Variants in CPAMD8 observed in about 807,000 individuals in gnomAD.
CPAMD8 encodes the protein C3 and PZP-like alpha-2-macroglobulin domain-containing protein 8.
Under a neutral mutation model 224.7 loss-of-function variants are expected in CPAMD8, and 146 were observed. The ratio of observed to expected loss-of-function variants is 0.65; its 90% confidence interval spans 0.57 to 0.75. CPAMD8 has a LOEUF of 0.75. CPAMD8 is among the 30% of genes least tolerant of loss of function. CPAMD8 has a pLI of 0.00. For synonymous variants in CPAMD8, 966 were observed against 1,044.6 expected, an observed-to-expected ratio of 0.92 and a Z score of 1.45; for missense variants, 2,301 against 2,537.5, an observed-to-expected ratio of 0.91 and a Z score of 2.00.
intron 20 of CPAMD8, 44 bp downstream of exon 20, chr19:16,951,924 TC>T (rs2054308720): frequency 8.1e-7 from 1 of 1,235,750 alleles, no homozygotes; most frequent in African/African-American, 1.5e-5. Flanking sequence ...CAGTCCCAAC[TC>T]CCCACTGAAT....
At chr19:16,965,386 T>C (rs1434379922) in intron 18 of CPAMD8, among the ~76,000 whole-genome samples, 3 of 152,120 alleles carry the variant, frequency 2.0e-5, no homozygotes, top group Admixed American at 6.5e-5. Context: ...GCCAATATCA[T>C]ACTGAATGGA....
At chr19:16,987,527 T>A (rs1268509857) in intron 13 of CPAMD8, among the ~76,000 whole-genome samples, 1 of 152,142 alleles carries the variant, frequency 6.6e-6, no homozygotes, top group South Asian at 2.1e-4. Flanking sequence ...GAAAATCTTA[T>A]GATTTTCTTA....
rs146743364 is a variant in CPAMD8, at chr19:16,971,350, G to A, written c.2071-317C>T. Among the ~76,000 whole-genome samples, 500 of 152,172 alleles carry A rather than the reference G, an allele frequency of 3.3e-3. 1 individual carries two copies. The highest frequency in any genetic ancestry group is 5.2e-3 in the Non-Finnish European group (354 of 67,994). ...CTAGTAGCTGGGACTACAGGTGCCC[G>A]TCACCATGGGGCATCATTCTTTTAC... On this transcript the variant is annotated intron_variant, in intron 17 of 41. Coordinates refer to ENST00000443236, the MANE Select transcript of CPAMD8 (RefSeq NM_015692.5).
intron 18 of CPAMD8, among the ~76,000 whole-genome samples, chr19:16,969,500 C>T (rs1321339885): frequency 6.6e-5 from 10 of 152,086 alleles, no homozygotes; most frequent in African/African-American, 1.2e-4. Flanking sequence ...TCTTAACCTC[C>T]GAGGTGATGG....
chr19:16,975,865 A>G, intron 16 of CPAMD8, 137 bp downstream of exon 16: 1 of 929,292 alleles, frequency 1.1e-6, no homozygotes, highest in Non-Finnish European at 1.5e-6. Flanking sequence ...GTTCCCTGAA[A>G]AATGAACCCG....
At chr19:16,967,690 T>A (rs1263362843) in intron 18 of CPAMD8, among the ~76,000 whole-genome samples, 2 of 151,348 alleles carry the variant, frequency 1.3e-5, no homozygotes, top group Non-Finnish European at 2.9e-5. Flanking sequence ...GTGCCTGTAG[T>A]CCCAGGTACT....
chr19:17,017,682 C>A (rs1568608484), intron 3 of CPAMD8, among the ~76,000 whole-genome samples: 2 of 152,166 alleles, frequency 1.3e-5, no homozygotes, highest in African/African-American at 4.8e-5. Flanking sequence ...CCCTGTAGGG[C>A]AAAAGCCCCC....
chr19:16,969,737 G>A (rs2054981103), intron 18 of CPAMD8, among the ~76,000 whole-genome samples: 1 of 151,698 alleles, frequency 6.6e-6, no homozygotes, highest in African/African-American at 2.4e-5. Flanking sequence ...AAAATTAGCT[G>A]GGCATGGTGG....
chr19:16,913,638 A>T (rs112121431), intron 29 of CPAMD8, among the ~76,000 whole-genome samples: 4 of 152,134 alleles, frequency 2.6e-5, no homozygotes, highest in Non-Finnish European at 5.9e-5. Flanking sequence ...AAGACAGGGC[A>T]TTAGGAATTC....
At chr19:16,922,780 T>C (rs1044593511) in intron 26 of CPAMD8, among the ~76,000 whole-genome samples, 41 of 148,848 alleles carry the variant, frequency 2.8e-4, no homozygotes, top group African/African-American at 1.0e-3. Context: ...AACTACCCTA[T>C]ACCACATTGG....
At chr19:16,937,175 A>G (rs190025789) in intron 23 of CPAMD8, among the ~76,000 whole-genome samples, 1 of 150,196 alleles carries the variant, frequency 6.7e-6, no homozygotes, top group Non-Finnish European at 1.5e-5. Context: ...CTCTCTGTCA[A>G]CCAGGCTGGA....
At chr19:16,964,770 C>A (rs1198096421) in intron 18 of CPAMD8, among the ~76,000 whole-genome samples, 2 of 152,158 alleles carry the variant, frequency 1.3e-5, no homozygotes, top group East Asian at 3.8e-4. Flanking sequence ...CCTTGATGAA[C>A]ATCGATGCAA....
intron 27 of CPAMD8, among the ~76,000 whole-genome samples, chr19:16,915,869 TTC>T (rs1206303976): frequency 6.6e-6 from 1 of 151,882 alleles, no homozygotes; most frequent in Non-Finnish European, 1.5e-5. Flanking sequence ...TCTTCCTTTC[TTC>T]TTTCTCTCTT....
At chr19:17,004,228 T>C in intron 8 of CPAMD8, 45 bp downstream of exon 8, 4 of 1,351,678 alleles carry the variant, frequency 3.0e-6, no homozygotes, top group Non-Finnish European at 4.2e-6. Flanking sequence ...TTCTAAGGTT[T>C]CTCCCAGATC....
chr19:16,893,247 G>A lies in CPAMD8; in HGVS notation c.5519C>T (p.Pro1840Leu), dbSNP rs753933601. 1.1e-5 allele frequency: 18 copies of A among 1,573,834 alleles called. No homozygotes were observed. Among genetic ancestry groups the A allele is most frequent in the Admixed American group, 3.6e-5 (2 of 55,040 alleles). ...CCGGCCACTATGTCTCTGAGGGGCC[G>A]GAGTCTGGCCCCATCTGTGGAACGG... ...ASPFHRWGQT[P>L]APQRHSGRVV... The change falls in exon 42 of 42, where the codon CCG becomes CTG. Residue 1840 changes from proline (P) to leucine (L), a missense_variant. By Grantham distance (98) the Pro-to-Leu change is moderately conservative (BLOSUM62 -3). Around this residue, in one of 4 missense-constraint regions of CPAMD8, gnomAD observed 1,709 missense variants for 1,753.2 expected, o/e 0.97. Transcript: ENST00000443236.
intron 8 of CPAMD8, 41 bp from the exon 9 acceptor site, chr19:17,002,391 C>T (rs2056356212): frequency 6.9e-7 from 1 of 1,447,036 alleles, no homozygotes; most frequent in Admixed American, 1.8e-5. Flanking sequence ...GCTTCTGTCC[C>T]TAAGGTGGCC....
intron 18 of CPAMD8, among the ~76,000 whole-genome samples, chr19:16,960,211 C>CAAA (rs113199607): frequency 3.4e-4 from 46 of 135,346 alleles, no homozygotes; most frequent in African/African-American, 1.2e-3. Flanking sequence ...TCTCCTTTCT[C>CAAA]AAAAAAAAAA....
intron 6 of CPAMD8, 145 bp downstream of exon 6, chr19:17,009,158 A>C: frequency 7.5e-7 from 1 of 1,336,570 alleles, no homozygotes; most frequent in Non-Finnish European, 1.0e-6. Context: ...CCCAGGGACC[A>C]GGATAGAAGA....
At chr19:16,948,608 A>G (rs1599762155) in intron 20 of CPAMD8, among the ~76,000 whole-genome samples, 1 of 151,768 alleles carries the variant, frequency 6.6e-6, no homozygotes, top group South Asian at 2.1e-4. Flanking sequence ...AGTGCTGGGC[A>G]CCTGTAATCC....
Sources: gnomAD v4.1 joint callset for allele counts (sites outside exome capture counted in the v4.1 genomes callset) on GRCh38, gnomAD v4.1.1 for gene constraint, gnomAD v4.1.1 regional missense constraint, MANE v1.5 for transcripts, NCBI Gene and HGNC (gene_info 2026-07-23, HGNC 2026-07-21) for gene names.